The following OCIAD1 variants were observed in gnomAD, a reference collection of about 807,000 sequenced individuals.
The protein encoded by OCIAD1 is OCIA domain-containing protein 1.
Under a neutral mutation model 38.9 loss-of-function variants are expected in OCIAD1, and 29 were observed. That is an observed-to-expected ratio of 0.74 (90% CI 0.55 to 1.02). OCIAD1 has a LOEUF of 1.02. Ranked by LOEUF, OCIAD1 falls within the 50% of genes least tolerant of loss-of-function variation. The pLI is 0.00. For synonymous variants in OCIAD1, 110 were observed against 92.0 expected, an observed-to-expected ratio of 1.20 and a Z score of -1.12; for missense variants, 288 against 289.6, an observed-to-expected ratio of 0.99 and a Z score of 0.04.
upstream of OCIAD1, among the ~76,000 whole-genome samples, chr4:48,826,288 T>C (rs1177612066): frequency 6.6e-6 from 1 of 152,324 alleles, no homozygotes; most frequent in South Asian, 2.1e-4. Flanking sequence ...TATCTCCTAA[T>C]GCGATCCCTC....
intron 7 of OCIAD1, among the ~76,000 whole-genome samples, chr4:48,852,875 G>GTTTTTTTTTTTTTTTTTT (rs770694566): frequency 1.4e-5 from 1 of 69,128 alleles, no homozygotes; most frequent in African/African-American, 7.0e-5. Flanking sequence ...GTTTTTTTTT[G>GTTTTTTTTTTTTTTTTTT]TTTTTTGTTT....
At chr4:48,848,048 G>A (rs1312184515) in intron 4 of OCIAD1, among the ~76,000 whole-genome samples, 2 of 150,210 alleles carry the variant, frequency 1.3e-5, no homozygotes, top group Non-Finnish European at 3.0e-5. Flanking sequence ...TGGGTTTTGA[G>A]CGTTTTTTTT....
At chr4:48,808,484 CAAAGAAAAAAA>C (rs1398884312) in intron 1 of OCIAD1, among the ~76,000 whole-genome samples, 11 of 150,344 alleles carry the variant, frequency 7.3e-5, no homozygotes, top group Admixed American at 2.0e-4. Context: ...AAACAAAAAA[CAAAGAAAAAAA>C]AAAGGAAAAA....
chr4:48,823,132 A>T (rs1246888381), intron 1 of OCIAD1, among the ~76,000 whole-genome samples: 2 of 152,210 alleles, frequency 1.3e-5, no homozygotes, highest in Non-Finnish European at 2.9e-5. Flanking sequence ...AAAGTCATGG[A>T]AGCAACCCAA....
upstream of OCIAD1, among the ~76,000 whole-genome samples, chr4:48,830,077 C>T (rs1204850555): frequency 2.6e-5 from 4 of 152,162 alleles, no homozygotes; most frequent in African/African-American, 9.7e-5. Context: ...GCACAGAGAA[C>T]ACTGAGGGCA....
At chr4:48,825,939 G>C (rs1777245247) in intron 1 of OCIAD1, among the ~76,000 whole-genome samples, 1 of 151,990 alleles carries the variant, frequency 6.6e-6, no homozygotes, top group Non-Finnish European at 1.5e-5. Context: ...CTGGGTTCAA[G>C]CAATTCTTCT....
At chr4:48,807,977 A>G (rs1242357738) in intron 1 of OCIAD1, among the ~76,000 whole-genome samples, 1 of 152,172 alleles carries the variant, frequency 6.6e-6, no homozygotes, top group Non-Finnish European at 1.5e-5. Flanking sequence ...CATTTTATTT[A>G]GTTCTCAAAA....
At chr4:48,833,518 A>G (rs1217943429) in intron 3 of OCIAD1, 37 bp downstream of exon 3, 4 of 1,299,322 alleles carry the variant, frequency 3.1e-6, no homozygotes, top group East Asian at 2.3e-5. Context: ...ATTTGATCCA[A>G]AATTTGTACC....
chr4:48,807,511 A>G (rs1777041415), intron 1 of OCIAD1, among the ~76,000 whole-genome samples: 1 of 152,216 alleles, frequency 6.6e-6, no homozygotes, highest in Admixed American at 6.5e-5. Context: ...TTCATATTAT[A>G]TTGCTCTAAA....
rs561402279 is a variant in OCIAD1, at chr4:48,845,955, A to G, written c.194-2444A>G. Among the ~76,000 whole-genome samples, 10 of 152,338 alleles carry G rather than the reference A, an allele frequency of 6.6e-5. No individual in the cohort carries two copies. In the South Asian group the frequency reaches 2.1e-3, roughly 32 times the overall value. ...CCATTCTTGCTACTTCTCCTTAGGAAAATAAGCTATTTCTAGCACCTGACA... is the reference window on the plus strand; with the variant it reads ...CCATTCTTGCTACTTCTCCTTAGGAGAATAAGCTATTTCTAGCACCTGACA... On this transcript the variant is annotated intron_variant, in intron 4 of 8. Coordinates refer to ENST00000264312, the MANE Select transcript of OCIAD1 (RefSeq NM_017830.4).
At chr4:48,842,154 A>G (rs571601532) in intron 3 of OCIAD1, among the ~76,000 whole-genome samples, 2 of 152,318 alleles carry the variant, frequency 1.3e-5, no homozygotes, top group East Asian at 3.9e-4. Context: ...TGGTAATAAC[A>G]TTATCTACCT....
chr4:48,834,083 T>C (rs987315787), intron 3 of OCIAD1, among the ~76,000 whole-genome samples: 1 of 152,212 alleles, frequency 6.6e-6, no homozygotes, highest in African/African-American at 2.4e-5. Flanking sequence ...ATACAAAATA[T>C]ACTCTCACTA....
At chr4:48,807,324 GAAA>G (rs1035655985) in intron 1 of OCIAD1, among the ~76,000 whole-genome samples, 1 of 133,800 alleles carries the variant, frequency 7.5e-6, no homozygotes, top group African/African-American at 2.8e-5. Flanking sequence ...GTCTCAAAAA[GAAA>G]AAAAAAAAAA....
At chr4:48,835,663 G>A (rs1188131546) in intron 3 of OCIAD1, among the ~76,000 whole-genome samples, 4 of 152,042 alleles carry the variant, frequency 2.6e-5, no homozygotes, top group Non-Finnish European at 5.9e-5. Flanking sequence ...TTGAACCCCT[G>A]AGTTCAAGCG....
chr4:48,836,623 T>C (rs568102925), intron 3 of OCIAD1, among the ~76,000 whole-genome samples: 44 of 152,330 alleles, frequency 2.9e-4, no homozygotes, highest in Non-Finnish European at 4.7e-4. Flanking sequence ...TTAGGATTGA[T>C]AGAATAAAGG....
At chr4:48,808,952 C>G (rs1013910900) in intron 1 of OCIAD1, among the ~76,000 whole-genome samples, 1 of 152,134 alleles carries the variant, frequency 6.6e-6, no homozygotes, top group African/African-American at 2.4e-5. Context: ...CTTTAACAAC[C>G]CTCCTTAGTT....
At chr4:48,843,365 G>A (rs1231710345) in intron 4 of OCIAD1, among the ~76,000 whole-genome samples, 1 of 152,156 alleles carries the variant, frequency 6.6e-6, no homozygotes, top group Non-Finnish European at 1.5e-5. Flanking sequence ...TAATGGGAAG[G>A]TGTCCCAGAA....
At chr4:48,841,873 T>C (rs919054487) in intron 3 of OCIAD1, among the ~76,000 whole-genome samples, 2 of 152,192 alleles carry the variant, frequency 1.3e-5, no homozygotes, top group Admixed American at 1.3e-4. Flanking sequence ...ATAGATGTAA[T>C]ATTTTCATAT....
intron 7 of OCIAD1, 124 bp downstream of exon 7, chr4:48,852,099 C>T (rs1258660728): frequency 4.4e-5 from 31 of 697,596 alleles, no homozygotes; most frequent in Non-Finnish European, 9.3e-6. Flanking sequence ...AACCTAAACT[C>T]AGCATGTTTG....
Sources: allele counts gnomAD v4.1 joint callset (sites outside exome capture counted in the v4.1 genomes callset), GRCh38; gene constraint gnomAD v4.1.1; transcripts MANE v1.5; gene names NCBI Gene and HGNC (gene_info 2026-07-23, HGNC 2026-07-21).